GGPS1: variants seen among roughly 807,000 people sequenced by gnomAD.
The protein encoded by GGPS1 is geranylgeranyl diphosphate synthase 1.
GGPS1 carries 15 observed loss-of-function variants against 28.1 expected under a neutral mutation model. That is an observed-to-expected ratio of 0.53 (90% CI 0.36 to 0.82). The LOEUF (loss-of-function observed/expected upper bound fraction) is 0.82. Among genes scored for constraint, GGPS1 ranks in the 40% least tolerant of loss-of-function variants. The pLI, the probability that GGPS1 is intolerant of heterozygous loss-of-function variation, is 0.01. For missense variants in GGPS1, 284 were observed against 348.3 expected, an observed-to-expected ratio of 0.82 and a Z score of 1.47; for synonymous variants, 138 against 122.4, an observed-to-expected ratio of 1.13 and a Z score of -0.84.
chr1:235,338,416 A>G (rs1013410640), intron 2 of GGPS1, among the ~76,000 whole-genome samples: 1 of 152,044 alleles, frequency 6.6e-6, no homozygotes, highest in African/African-American at 2.4e-5. Flanking sequence ...TAAAAGCATC[A>G]GGCTAAACAC....
intron 1 of GGPS1, among the ~76,000 whole-genome samples, chr1:235,331,962 T>C (rs1033310611): frequency 2.6e-5 from 4 of 152,202 alleles, no homozygotes; most frequent in Non-Finnish European, 4.4e-5. Context: ...ATTAAATACC[T>C]GATTGTCACC....
chr1:235,329,509 T>A (rs1675617573), intron 1 of GGPS1: 1 of 152,240 alleles, frequency 6.6e-6, no homozygotes, highest in Non-Finnish European at 1.5e-5. Context: ...TCTGAGCAAG[T>A]GAGGATCGAG....
Position 235,335,315 on chromosome 1 carries a change from A to T in GGPS1, c.51A>T (p.Lys17Asn), listed in dbSNP as rs1200271336. 1 of 1,528,606 alleles carries T rather than the reference A, an allele frequency of 6.5e-7. No homozygotes were observed. Among genetic ancestry groups the T allele is most frequent in the Admixed American group, 1.7e-5 (1 of 59,192 alleles). 94.7% of individuals were successfully genotyped at this position (1,528,606 alleles called of 1,614,324 possible). ...TVQRILLEPY[K>N]YLLQLPGKQV... ...AAAGAATTCTTCTAGAACCCTATAA[A>T]TACTTACTTCAGTTACCAGGTAATA... The change falls in exon 2 of 4, where the codon AAA becomes AAT. Residue 17 changes from lysine to asparagine, a missense_variant. Transcript: ENST00000282841.
chr1:235,335,134 C>T, intron 1 of GGPS1, 108 bp from the exon 2 acceptor site: 1 of 575,836 alleles, frequency 1.7e-6, no homozygotes, highest in Non-Finnish European at 3.1e-6. Flanking sequence ...TCTTTTTAAA[C>T]CAGACTAGGT....
upstream of GGPS1, chr1:235,327,559 G>GTAAA (rs1308692341): frequency 1.3e-5 from 2 of 152,164 alleles, no homozygotes; most frequent in African/African-American, 4.8e-5. Context: ...CCCGACCGCG[G>GTAAA]CCGCTAAACC....
At chr1:235,340,696 A>C in intron 2 of GGPS1, among the ~76,000 whole-genome samples, 1 of 133,100 alleles carries the variant, frequency 7.5e-6, no homozygotes, top group Non-Finnish European at 1.6e-5. Context: ...AGATCGCGCC[A>C]CTGCACTCCA....
Position 235,342,030 on chromosome 1 carries a change from A to G in GGPS1, c.161A>G (p.Glu54Gly), listed in dbSNP as rs1174105111. 1 of 1,586,108 alleles carries G rather than the reference A, an allele frequency of 6.3e-7. No homozygotes were observed. The highest frequency in any genetic ancestry group is 8.6e-7 in the Non-Finnish European group (1 of 1,165,606). The change falls in exon 4 of 4, where the codon GAA (glutamate) becomes GGA (glycine). Residue 54 changes from glutamate (E) to glycine (G), a missense_variant. Coordinates refer to ENST00000282841, the MANE Select transcript of GGPS1 (RefSeq NM_004837.4). ...DKLQIIIEVT[E>G]MLHNASLLID... ...TATTAGATTATTATTGAAGTGACAG[A>G]AATGTTGCATAATGCCAGTTTACTC...
At chr1:235,339,207 G>A (rs1042219352) in intron 2 of GGPS1, among the ~76,000 whole-genome samples, 10 of 152,014 alleles carry the variant, frequency 6.6e-5, no homozygotes, top group Non-Finnish European at 1.5e-4. Context: ...GCTGAGGCAG[G>A]AGAATCGCTT....
upstream of GGPS1, chr1:235,328,159 G>C (rs1197889535): frequency 6.5e-6 from 1 of 153,046 alleles, no homozygotes; most frequent in Non-Finnish European, 1.5e-5. Context: ...TCCTCACTCC[G>C]GACTCGACTG....
At position 235,342,420 on chromosome 1, in the gene GGPS1, T is replaced by G; in HGVS notation, c.551T>G (p.Phe184Cys). ...CTACTTAATACACTTGGGCTCTTTT[T>G]CCAAATTAGGGATGATTATGCTAAT... is the stretch of plus-strand genomic sequence containing the variant. ...KPLLNTLGLF[F>C]QIRDDYANLH... is the part of the protein sequence containing the mutation. The change falls in exon 4 of 4, where the codon TTC becomes TGC. Residue 184 changes from phenylalanine to cysteine, a missense_variant. Transcript: ENST00000282841. The G allele has an allele frequency of 6.2e-7, 1 of 1,613,736 alleles. No individual in the cohort carries two copies.
chr1:235,332,539 T>C (rs978256048), intron 1 of GGPS1, among the ~76,000 whole-genome samples: 14 of 152,220 alleles, frequency 9.2e-5, no homozygotes, highest in Non-Finnish European at 1.9e-4. Flanking sequence ...TAGTGCAAGA[T>C]TTTGGAAATT....
rs1676090648 is a variant in GGPS1, at chr1:235,342,722, G to A, written c.853G>A (p.Val285Ile). Residue 285 changes from valine to isoleucine, a missense_variant, in exon 4 of 4, where the codon GTA (valine) becomes ATA (isoleucine). Transcript: ENST00000282841. Reference protein sequence around the residue: ...IDARGGNPELVALVKHLSKMF... With the variant: ...IDARGGNPELIALVKHLSKMF... Reference sequence around the variant, plus strand: ...TGCACGTGGTGGGAACCCTGAGCTAGTAGCCTTAGTAAAACACTTAAGTAA... The same window carrying A: ...TGCACGTGGTGGGAACCCTGAGCTAATAGCCTTAGTAAAACACTTAAGTAA... The A allele has an allele frequency of 6.2e-7, 1 of 1,602,892 alleles. No homozygotes were observed. The highest frequency in any genetic ancestry group is 1.1e-5 in the South Asian group (1 of 88,678).
intron 2 of GGPS1, among the ~76,000 whole-genome samples, chr1:235,340,939 A>C (rs1417566477): frequency 6.6e-6 from 1 of 152,162 alleles, no homozygotes; most frequent in Non-Finnish European, 1.5e-5. Context: ...AGAAATAGAT[A>C]ATTTCAAGAG....
chr1:235,329,334 G>C (rs1269019219), intron 1 of GGPS1: 1 of 152,242 alleles, frequency 6.6e-6, no homozygotes, highest in Non-Finnish European at 1.5e-5. Flanking sequence ...GTTGAGCGCC[G>C]ACCACTGGGG....
intron 2 of GGPS1, among the ~76,000 whole-genome samples, chr1:235,339,917 A>G (rs527563878): frequency 3.9e-5 from 6 of 152,298 alleles, no homozygotes; most frequent in African/African-American, 4.8e-5. Context: ...GTTTTTATCT[A>G]TCATTCCTTT....
chr1:235,338,306 T>C (rs1251300827), intron 2 of GGPS1, among the ~76,000 whole-genome samples: 1 of 150,688 alleles, frequency 6.6e-6, no homozygotes, highest in Non-Finnish European at 1.5e-5. Flanking sequence ...TACCGGAGCC[T>C]GGGAGGTTGA....
In GGPS1 at chr1:235,342,713, C is replaced by A; in HGVS notation, c.844C>A (p.Pro282Thr). 1 of 1,607,272 alleles carries A rather than the reference C, an allele frequency of 6.2e-7. No individual in the cohort carries two copies. Among genetic ancestry groups the A allele is most frequent in the Non-Finnish European group, 8.5e-7 (1 of 1,176,226 alleles). The change falls in exon 4 of 4, where the codon CCT becomes ACT. Residue 282 changes from proline to threonine, a missense_variant. By Grantham distance (38) the Pro-to-Thr change is conservative (BLOSUM62 -1). Transcript: ENST00000282841. ...ACAGATTGATGCACGTGGTGGGAACCCTGAGCTAGTAGCCTTAGTAAAACA... is the reference window on the plus strand; with the variant it reads ...ACAGATTGATGCACGTGGTGGGAACACTGAGCTAGTAGCCTTAGTAAAACA... ...YKQIDARGGN[P>T]ELVALVKHLS...
At chr1:235,333,288 C>T (rs1316002970) in intron 1 of GGPS1, among the ~76,000 whole-genome samples, 2 of 151,748 alleles carry the variant, frequency 1.3e-5, no homozygotes, top group African/African-American at 4.8e-5. Flanking sequence ...AGGATCAGGC[C>T]GGGCACAGTA....
rs758968212 is a variant in GGPS1 at position 235,343,666 on chromosome 1, T to G, written c.*894T>G. The stretch of plus-strand genomic sequence containing the variant: ...TGCTTTTTAACCAAGGTGTCTCTGC[T>G]TGATGAAATTCACATGCTAGTCTAA... On this transcript the variant is annotated 3_prime_UTR_variant, in exon 4 of 4. Transcript: ENST00000282841. 1 of 167,062 alleles carries G rather than the reference T, an allele frequency of 6.0e-6. No homozygotes were observed. Among genetic ancestry groups the G allele is most frequent in the African/African-American group, 2.4e-5 (1 of 41,426 alleles). 10.3% of individuals were successfully genotyped at this position (167,062 alleles called of 1,614,324 possible).
Sources: allele counts gnomAD v4.1 joint callset (sites outside exome capture counted in the v4.1 genomes callset), GRCh38; gene constraint gnomAD v4.1.1; transcripts MANE v1.5; gene names NCBI Gene and HGNC (gene_info 2026-07-23, HGNC 2026-07-21).